Variants in FGD3 observed in about 807,000 individuals in gnomAD.
The protein encoded by FGD3 is FYVE, RhoGEF and PH domain containing 3, also known as FYVE, RhoGEF and PH domain-containing protein 3.
FGD3 carries 45 observed loss-of-function variants against 71.8 expected under a neutral mutation model. The observed-to-expected ratio is 0.63, with a 90% confidence interval of 0.49 to 0.80. The LOEUF (loss-of-function observed/expected upper bound fraction) is 0.80. Ranked by LOEUF, FGD3 falls within the 30% of genes least tolerant of loss-of-function variation. The probability of loss-of-function intolerance (pLI) is 0.00; values close to 1 mark genes in which losing one functional copy is unlikely to be tolerated. For missense variants in FGD3, 844 were observed against 951.5 expected (o/e 0.89, Z 1.49); for synonymous variants, 378 against 392.8 (o/e 0.96, Z 0.44).
chr9:93,034,622 G>A lies in FGD3; in HGVS notation c.1867G>A (p.Val623Met), dbSNP rs749622110. 6.2e-7 allele frequency: 1 copy of A among 1,613,498 alleles called. No individual in the cohort carries two copies. The highest frequency in any genetic ancestry group is 1.7e-5 in the Admixed American group (1 of 59,996). ...AGAGAGCGGTGAGACCTGGAGCGAG[G>A]TGTGGGCCGCCATCCCCATGTCAGA... ...LSESGETWSE[V>M]WAAIPMSDPQ... Residue 623 changes from valine (V) to methionine (M), a missense_variant, in exon 17 of 18, where the codon GTG becomes ATG. Coordinates refer to ENST00000375482, the MANE Select transcript of FGD3 (RefSeq NM_001083536.2).
At chr9:92,992,690 G>A (rs1354803013) in intron 3 of FGD3, among the ~76,000 whole-genome samples, 1 of 152,152 alleles carries the variant, frequency 6.6e-6, no homozygotes, top group East Asian at 1.9e-4. Flanking sequence ...TGCTAGAGAG[G>A]TACAGTAGCT....
chr9:92,947,886 C>CT (rs1264985849), intron 1 of FGD3, among the ~76,000 whole-genome samples, 157 bp downstream of exon 1: 1 of 152,100 alleles, frequency 6.6e-6, no homozygotes, highest in African/African-American at 2.4e-5. Context: ...AGGTGACTGC[C>CT]TGGTGTATAC....
At chr9:93,011,342 G>A (rs1861363294) in intron 8 of FGD3, 70 bp downstream of exon 8, 1 of 1,579,576 alleles carries the variant, frequency 6.3e-7, no homozygotes, top group Admixed American at 1.7e-5. Context: ...GCCCTTGTGG[G>A]CCAGCCCCTT....
Position 93,018,229 on chromosome 9 carries a change from T to A in FGD3, c.1355+14T>A. 2 of 1,607,572 alleles carry A rather than the reference T, an allele frequency of 1.2e-6. No homozygotes were observed. Among genetic ancestry groups the A allele is most frequent in the Non-Finnish European group, 1.7e-6 (2 of 1,174,592 alleles). On this transcript the variant is annotated intron_variant, in intron 11 of 17. Coordinates refer to ENST00000375482, the MANE Select transcript of FGD3 (RefSeq NM_001083536.2). ...GCTGCAGACGCGGTATGGAACGGGC[T>A]GTTTCTAGTGAATGTCTTTGACCTC...
At chr9:93,013,823 T>C in intron 8 of FGD3, 29 bp from the exon 9 acceptor site, 1 of 1,611,120 alleles carries the variant, frequency 6.2e-7, no homozygotes, top group Non-Finnish European at 8.5e-7. Flanking sequence ...TCACAGACCT[T>C]TGGTGCCTGA....
intron 1 of FGD3, among the ~76,000 whole-genome samples, chr9:92,952,231 C>A (rs1858965725): frequency 7.1e-6 from 1 of 140,216 alleles, no homozygotes. Context: ...TGTTGAAAGT[C>A]AATTTTTTTT....
intron 14 of FGD3, among the ~76,000 whole-genome samples, chr9:93,027,234 C>T (rs148203141): frequency 3.2e-4 from 49 of 152,290 alleles, no homozygotes; most frequent in Admixed American, 1.5e-3. Flanking sequence ...GGCCAATGAA[C>T]GGGGACCACA....
intron 5 of FGD3, 37 bp downstream of exon 5, chr9:93,004,174 A>G (rs1860962443): frequency 3.7e-6 from 6 of 1,609,418 alleles, no homozygotes; most frequent in South Asian, 2.2e-5. Context: ...GGGCCCCTCA[A>G]GTGTTCTCTA....
chr9:92,969,184 G>A lies in FGD3; in HGVS notation c.-217-6054G>A, dbSNP rs370844392. Among the ~76,000 whole-genome samples, 149 of 152,360 alleles carry A rather than the reference G, an allele frequency of 9.8e-4. 1 individual carries two copies. Among genetic ancestry groups the A allele is most frequent in the African/African-American group, 3.5e-3 (144 of 41,584 alleles). On this transcript the variant is annotated intron_variant, in intron 1 of 17. Transcript: ENST00000375482. This position sits in a 1 kb window ranked among gnomAD's most constrained non-coding sequence, Gnocchi z 4.5. ...TCCCTCATGATTCTGGGCCACCCGG[G>A]TGCAGCGGGCGGCTCTTGCCCACAG... is the stretch of plus-strand genomic sequence containing the variant.
At chr9:92,978,292 A>AG (rs1225519223) in intron 3 of FGD3, among the ~76,000 whole-genome samples, 1 of 151,948 alleles carries the variant, frequency 6.6e-6, no homozygotes, top group African/African-American at 2.4e-5. Context: ...CAAAAAAAAA[A>AG]AAAAAAAGAA....
intron 10 of FGD3, among the ~76,000 whole-genome samples, chr9:93,016,159 G>A (rs1302812908): frequency 1.3e-5 from 2 of 151,976 alleles, no homozygotes; most frequent in Admixed American, 6.6e-5. Flanking sequence ...ACTGGGACTC[G>A]GGGCCCTATT....
intron 3 of FGD3, among the ~76,000 whole-genome samples, chr9:92,981,701 T>A (rs982727948): frequency 5.9e-5 from 9 of 152,196 alleles, no homozygotes; most frequent in Admixed American, 3.3e-4. Context: ...AAAGTTTCCT[T>A]CATATATTTA....
chr9:92,953,297 T>C (rs1459452477), intron 1 of FGD3, among the ~76,000 whole-genome samples: 1 of 152,082 alleles, frequency 6.6e-6, no homozygotes, highest in Non-Finnish European at 1.5e-5. Context: ...TTGTTAAGGA[T>C]AAGAAACAAT....
At chr9:92,995,489 T>C (rs1206108996) in intron 3 of FGD3, among the ~76,000 whole-genome samples, 1 of 152,224 alleles carries the variant, frequency 6.6e-6, no homozygotes, top group Admixed American at 6.5e-5. Context: ...CTGATTGCCC[T>C]GGCCAGAACT....
At position 92,963,360 on chromosome 9, in the gene FGD3, C is replaced by T. The variant is rs537279980; in HGVS notation, c.-217-11878C>T. Among the ~76,000 whole-genome samples the T allele has an allele frequency of 4.2e-4, 64 of 152,186 alleles. No homozygotes were observed. The Middle Eastern group carries it at 0.01, about 24-fold the overall frequency. On this transcript the variant is annotated intron_variant, in intron 1 of 17. Coordinates refer to ENST00000375482, the MANE Select transcript of FGD3 (RefSeq NM_001083536.2). Reference sequence around the variant, plus strand: ...TGTCCCCCAGGCTGGAGTGCAGTGGCGCAATCTCAGTTCACTGCAACCTCC... The same window carrying T: ...TGTCCCCCAGGCTGGAGTGCAGTGGTGCAATCTCAGTTCACTGCAACCTCC...
At chr9:93,007,993 C>T (rs551228171) in intron 6 of FGD3, among the ~76,000 whole-genome samples, 67 of 152,276 alleles carry the variant, frequency 4.4e-4, no homozygotes, top group African/African-American at 1.5e-3. Context: ...GTCAAGTTGC[C>T]CATGGCCTTT....
At chr9:92,951,601 A>G (rs1443017265) in intron 1 of FGD3, among the ~76,000 whole-genome samples, 1 of 152,200 alleles carries the variant, frequency 6.6e-6, no homozygotes, top group Non-Finnish European at 1.5e-5. Flanking sequence ...GCTTGAACCC[A>G]GAGGTTGAGG....
At chr9:92,957,569 C>T (rs1159113733) in intron 1 of FGD3, among the ~76,000 whole-genome samples, 2 of 147,206 alleles carry the variant, frequency 1.4e-5, no homozygotes, top group Non-Finnish European at 1.5e-5. Context: ...CTTTTTTTTT[C>T]ATTGATTTGT....
In FGD3 at chr9:93,034,486, CAG is replaced by C. The variant is rs1354490812; in HGVS notation, c.1786-54_1786-53del. On this transcript the variant is annotated intron_variant, in intron 16 of 17. Transcript: ENST00000375482. ...TGGCCCTACCCCAGCCTCCTCAGAA[CAG>C]GGGTGACCACTGCAGGGGAGACTGC... 11 of 1,546,498 alleles carry C rather than the reference CAG, an allele frequency of 7.1e-6. No homozygotes were observed. The African/African-American group carries it at 1.2e-4, about 17-fold the overall frequency.
Sources: gnomAD v4.1 joint callset for allele counts (sites outside exome capture counted in the v4.1 genomes callset) on GRCh38, gnomAD v4.1.1 for gene constraint, Gnocchi (gnomAD v3.1) non-coding constraint, MANE v1.5 for transcripts, NCBI Gene and HGNC (gene_info 2026-07-23, HGNC 2026-07-21) for gene names.